Variants in TSLP observed in about 807,000 individuals in gnomAD.
The protein encoded by TSLP is thymic stromal lymphopoietin.
Under a neutral mutation model 12.4 loss-of-function variants are expected in TSLP, and 12 were observed. That is an observed-to-expected ratio of 0.97 (90% CI 0.62 to 1.57). TSLP has a LOEUF of 1.57. Among genes scored for constraint, TSLP ranks in the 40% most tolerant of loss-of-function variants. TSLP has a pLI of 0.00. For synonymous variants in TSLP, 97 were observed against 69.5 expected (o/e 1.40, Z -1.97); for missense variants, 222 against 189.6 (o/e 1.17, Z -1.00).
At chr5:111,071,231 C>T (rs1752330549), upstream of TSLP, 1 of 443,188 alleles carries the variant, frequency 2.3e-6, no homozygotes, top group Non-Finnish European at 3.9e-6. Flanking sequence ...TGAGACTGCA[C>T]CCCACCCTCC....
At chr5:111,071,395 G>T (rs1482459783), upstream of TSLP, 5 of 1,472,766 alleles carry the variant, frequency 3.4e-6, no homozygotes, top group African/African-American at 7.1e-5. Flanking sequence ...GTTTCAGAAG[G>T]TGTTTCTCCC....
chr5:111,073,287 G>A (rs776017985), intron 2 of TSLP: 13 of 1,420,536 alleles, frequency 9.2e-6, no homozygotes, highest in Admixed American at 6.1e-5. Flanking sequence ...GTGGGTGACA[G>A]TCTTTTCGCG....
chr5:111,073,414 C>T, intron 2 of TSLP, 97 bp from the exon 3 acceptor site: 11 of 1,578,302 alleles, frequency 7.0e-6, no homozygotes, highest in Middle Eastern at 1.7e-4. Flanking sequence ...CCGCTCCTCC[C>T]TGACCTTCCT....
upstream of TSLP, chr5:111,071,504 C>T (rs1473796600): frequency 1.3e-6 from 2 of 1,545,370 alleles, no homozygotes; most frequent in Non-Finnish European, 1.7e-6. Flanking sequence ...TAGGGCAAAG[C>T]AAAAAGGAGG....
chr5:111,071,421 G>C, upstream of TSLP: 2 of 1,509,018 alleles, frequency 1.3e-6, no homozygotes, highest in Non-Finnish European at 1.8e-6. Flanking sequence ...GAAAGGATTG[G>C]TCACGGAAAT....
Position 111,075,972 on chromosome 5 carries a change from G to A in TSLP, c.378G>A (p.Lys126=). 1 of 1,613,780 alleles carries A rather than the reference G, an allele frequency of 6.2e-7. No individual in the cohort carries two copies. The highest frequency in any genetic ancestry group is 8.5e-7 in the Non-Finnish European group (1 of 1,179,916). The change falls in exon 4 of 4, where the codon AAG becomes AAA. Residue 126 remains lysine (K), a synonymous_variant. Coordinates refer to ENST00000344895, the MANE Select transcript of TSLP (RefSeq NM_033035.5). ...TQINATQAMK[K]RRKRKVTTNK... is the part of the protein sequence containing the mutation. ...TAAATGCTACTCAGGCAATGAAGAAGAGGAGAAAAAGGAAAGTCACAACCA... is the reference window on the plus strand; with the variant it reads ...TAAATGCTACTCAGGCAATGAAGAAAAGGAGAAAAAGGAAAGTCACAACCA...
chr5:111,072,530 T>C (rs1752368984), intron 1 of TSLP, among the ~76,000 whole-genome samples: 1 of 152,236 alleles, frequency 6.6e-6, no homozygotes, highest in Non-Finnish European at 1.5e-5. Context: ...AGTAATCATT[T>C]TCCTGATTAA....
At position 111,075,997 on chromosome 5, in the gene TSLP, A is replaced by C; in HGVS notation, c.403A>C (p.Asn135His). 5.6e-6 allele frequency: 9 copies of C among 1,614,152 alleles called. No homozygotes were observed. The highest frequency in any genetic ancestry group is 7.6e-6 in the Non-Finnish European group (9 of 1,179,998). The change falls in exon 4 of 4, where the codon AAT becomes CAT. Residue 135 changes from asparagine to histidine, a missense_variant. Transcript: ENST00000344895. Reference sequence around the variant, plus strand: ...GAGGAGAAAAAGGAAAGTCACAACCAATAAATGTCTGGAACAAGTGTCACA... The same window carrying C: ...GAGGAGAAAAAGGAAAGTCACAACCCATAAATGTCTGGAACAAGTGTCACA... ...KKRRKRKVTT[N>H]KCLEQVSQLQ... is the part of the protein sequence containing the mutation.
At chr5:111,073,713 G>A in intron 3 of TSLP, 68 bp downstream of exon 3, 1 of 1,502,822 alleles carries the variant, frequency 6.7e-7, no homozygotes, top group Non-Finnish European at 9.1e-7. Context: ...GGGCTTTGGT[G>A]CAGAAGTCGT....
rs552674759 is a variant in TSLP at position 111,076,214 on chromosome 5, T to C, written c.*140T>C. On this transcript the variant is annotated 3_prime_UTR_variant, in exon 4 of 4. Transcript: ENST00000344895. ...ACAGAAGAGTTTCTTAACTTACTTT[T>C]GTAAGTTTTTATTGTGTAAGTTTAT... 5 of 1,029,768 alleles carry C rather than the reference T, an allele frequency of 4.9e-6. No homozygotes were observed. In the African/African-American group the frequency reaches 4.9e-5, roughly 10 times the overall value. 63.8% of individuals were successfully genotyped at this position (1,029,768 alleles called of 1,614,324 possible). A position where few individuals can be genotyped will look rare whatever the true frequency, so the allele number is the denominator to read the frequency against.
chr5:111,074,340 T>C (rs1375875595), intron 3 of TSLP, among the ~76,000 whole-genome samples: 1 of 152,202 alleles, frequency 6.6e-6, no homozygotes, highest in African/African-American at 2.4e-5. Flanking sequence ...TTAAATTACT[T>C]AGCCTCCGTG....
Position 111,077,602 on chromosome 5 carries a change from A to G in TSLP, c.*1528A>G, listed in dbSNP as rs1219773036. 7.2e-5 allele frequency: 11 copies of G among 152,636 alleles called. No individual in the cohort carries two copies. The highest frequency in any genetic ancestry group is 1.3e-4 in the Non-Finnish European group (9 of 68,046). 9.5% of individuals were successfully genotyped at this position (152,636 alleles called of 1,614,324 possible). ...ACTCCATTTTAGTAGGGATTCACTG[A>G]CTAGATTTTACTGAACTATGAAAAT... On this transcript the variant is annotated 3_prime_UTR_variant, in exon 4 of 4. Transcript: ENST00000344895.
chr5:111,073,197 C>T (rs1288389452), intron 2 of TSLP: 1 of 1,074,836 alleles, frequency 9.3e-7, no homozygotes, highest in Non-Finnish European at 1.3e-6. Flanking sequence ...AGGGGCACCA[C>T]CTGCTGGGGT....
upstream of TSLP, chr5:111,071,418 T>C: frequency 4.0e-6 from 6 of 1,503,754 alleles, no homozygotes; most frequent in South Asian, 5.3e-5. Flanking sequence ...ATAGAAAGGA[T>C]TGGTCACGGA....
intron 2 of TSLP, 36 bp downstream of exon 2, chr5:111,072,968 G>C (rs969853893): frequency 6.2e-7 from 1 of 1,612,082 alleles, no homozygotes; most frequent in African/African-American, 1.3e-5. Flanking sequence ...GCTTTCTCCA[G>C]GGAGACGCCA....
intron 1 of TSLP, 128 bp downstream of exon 1, chr5:111,072,189 A>G: frequency 1.3e-6 from 1 of 797,418 alleles, no homozygotes; most frequent in Non-Finnish European, 1.9e-6. Flanking sequence ...CATTTTGTCA[A>G]GGATTCTTAC....
chr5:111,071,989 C>T lies in TSLP; in HGVS notation c.99C>T (p.Asn33=), dbSNP rs1752350481. 1 of 1,614,092 alleles carries T rather than the reference C, an allele frequency of 6.2e-7. No homozygotes were observed. Among genetic ancestry groups the T allele is most frequent in the African/African-American group, 1.3e-5 (1 of 74,946 alleles). The part of the protein sequence containing the change: ...VGLVLTYDFT[N]CDFEKIKAAY... ...TGGTGTTAACTTACGACTTCACTAACTGTGACTTTGAGAAGATTAAAGCAG... is the reference window on the plus strand; with the variant it reads ...TGGTGTTAACTTACGACTTCACTAATTGTGACTTTGAGAAGATTAAAGCAG... Residue 33 remains asparagine, a synonymous_variant, in exon 1 of 4, where the codon AAC becomes AAT. Transcript: ENST00000344895.
At chr5:111,073,203 G>A (rs1178753170) in intron 2 of TSLP, 1 of 1,117,680 alleles carries the variant, frequency 8.9e-7, no homozygotes, top group African/African-American at 1.6e-5. Context: ...ACCACCTGCT[G>A]GGGTCCGGCG....
chr5:111,073,440 T>C, intron 2 of TSLP, 71 bp from the exon 3 acceptor site: 3 of 1,601,428 alleles, frequency 1.9e-6, no homozygotes, highest in South Asian at 2.2e-5. Context: ...CCCCTTTCAC[T>C]CAATTCTCAC....
Sources: gnomAD v4.1 joint callset for allele counts (sites outside exome capture counted in the v4.1 genomes callset) on GRCh38, gnomAD v4.1.1 for gene constraint, MANE v1.5 for transcripts, NCBI Gene and HGNC (gene_info 2026-07-23, HGNC 2026-07-21) for gene names.